CCND2: variants seen among roughly 807,000 people sequenced by gnomAD.
The protein encoded by CCND2 is cyclin D2, also known as G1/S-specific cyclin-D2.
CCND2 carries 6 observed loss-of-function variants against 30.2 expected under a neutral mutation model. The ratio of observed to expected loss-of-function variants is 0.20; its 90% CI spans 0.11 to 0.39. The LOEUF (loss-of-function observed/expected upper bound fraction) is 0.39, where lower values mean the gene tolerates loss of function less well. Ranked by LOEUF, CCND2 falls within the 10% of genes least tolerant of loss-of-function variation. The pLI is 1.00. For synonymous variants in CCND2, 150 were observed against 153.1 expected (o/e 0.98, Z 0.15); for missense variants, 235 against 373.4 (o/e 0.63, Z 3.06).
In CCND2 at chr12:4,285,493, C is replaced by A; in HGVS notation, c.572-3349C>A. The A allele has an allele frequency of 3.5e-6, 3 of 868,300 alleles. No homozygotes were observed. The highest frequency in any genetic ancestry group is 4.1e-6 in the Non-Finnish European group (3 of 722,964). The allele number at this position is 868,300 out of a possible 1,614,324, so 53.8% of individuals were successfully genotyped here. A position where few individuals can be genotyped will look rare whatever the true frequency, so the allele number is the denominator to read the frequency against. On this transcript the variant is annotated intron_variant, in intron 3 of 4. Transcript: ENST00000261254. This position sits in a 1 kb window ranked among gnomAD's most constrained non-coding sequence, Gnocchi z 4.1. ...AAATTTTACAAACTCATCTGTGTTT[C>A]TCCCACCTAACAGAACAGCTTTTAT... is the stretch of plus-strand genomic sequence containing the variant.
chr12:4,288,040 G>C (rs554855475), intron 3 of CCND2, among the ~76,000 whole-genome samples: 1 of 152,166 alleles, frequency 6.6e-6, no homozygotes, highest in South Asian at 2.1e-4. Context: ...CATCGAAACC[G>C]AGTCACCCAT....
In CCND2 at chr12:4,282,035, G is replaced by A. The variant is rs1314500609; in HGVS notation, c.571+3116G>A. Among the ~76,000 whole-genome samples, 6 of 152,152 alleles carry A rather than the reference G, an allele frequency of 3.9e-5. No individual in the cohort carries two copies. The highest frequency in any genetic ancestry group is 5.9e-5 in the Non-Finnish European group (4 of 68,042). On this transcript the variant is annotated intron_variant, in intron 3 of 4. Coordinates refer to ENST00000261254, the MANE Select transcript of CCND2 (RefSeq NM_001759.4). The surrounding 1 kb of genome is among the most constrained non-coding windows in gnomAD (Gnocchi z 4.3). ...TTTCCAAAACTGGGGAAGCAGAACTGAGCCATAGCTTCCCTGGTTGCCGCT... is the reference window on the plus strand; with the variant it reads ...TTTCCAAAACTGGGGAAGCAGAACTAAGCCATAGCTTCCCTGGTTGCCGCT...
Position 4,302,284 on chromosome 12 carries a change from G to A in CCND2, c.*2275G>A, listed in dbSNP as rs533467026. On this transcript the variant is annotated 3_prime_UTR_variant, in exon 5 of 5. Coordinates refer to ENST00000261254, the MANE Select transcript of CCND2 (RefSeq NM_001759.4). ...ATCCTCCCTCCCCTTCAAGGCAGACGTTCAGTACAAACATTTATGCGGTAG... is the reference window on the plus strand; with the variant it reads ...ATCCTCCCTCCCCTTCAAGGCAGACATTCAGTACAAACATTTATGCGGTAG... 2.6e-5 allele frequency: 6 copies of A among 232,840 alleles called. No homozygotes were observed. Among genetic ancestry groups the A allele is most frequent in the East Asian group, 1.8e-4 (3 of 16,518 alleles). 14.4% of individuals were successfully genotyped at this position (232,840 alleles called of 1,614,324 possible). A position where few individuals can be genotyped will look rare whatever the true frequency, so the allele number is the denominator to read the frequency against.
chr12:4,298,826 A>G (rs545182764), intron 4 of CCND2, among the ~76,000 whole-genome samples: 1 of 152,318 alleles, frequency 6.6e-6, no homozygotes, highest in Admixed American at 6.5e-5. Flanking sequence ...GTCCCTGTCT[A>G]GTGATACCCA....
chr12:4,280,152 A>T (rs953053397), intron 3 of CCND2, among the ~76,000 whole-genome samples: 2 of 144,206 alleles, frequency 1.4e-5, no homozygotes, highest in African/African-American at 4.9e-5. Context: ...AGGAAAATTA[A>T]AATCAGAAAG....
At position 4,304,465 on chromosome 12, in the gene CCND2, T is replaced by A. The variant is rs545385264; in HGVS notation, c.*4456T>A. 26 of 233,690 alleles carry A rather than the reference T, an allele frequency of 1.1e-4. No homozygotes were observed. The highest frequency in any genetic ancestry group is 5.3e-4 in the African/African-American group (24 of 45,474). 14.5% of individuals were successfully genotyped at this position (233,690 alleles called of 1,614,324 possible). ...TTTACAAGAGCTGTTCATGCAGCCA[T>A]CCATTTGTGCAAAATAGGGTAAGAA... On this transcript the variant is annotated 3_prime_UTR_variant, in exon 5 of 5. Transcript: ENST00000261254. The surrounding 1 kb of genome is among the most constrained non-coding windows in gnomAD (Gnocchi z 6.2).
At chr12:4,284,576 G>A (rs2120548590) in intron 3 of CCND2, among the ~76,000 whole-genome samples, 1 of 152,264 alleles carries the variant, frequency 6.6e-6, no homozygotes, top group African/African-American at 2.4e-5. Flanking sequence ...TGGGGACTGG[G>A]GCAGGAGTGG....
rs1175915364 is a variant in CCND2, at chr12:4,300,379, G to C, written c.*370G>C. ...CTTTTTTTTTTCATGTTATGAGCTA[G>C]CACATACACCCCCTTGTAGTATAAT... On this transcript the variant is annotated 3_prime_UTR_variant, in exon 5 of 5. Transcript: ENST00000261254. 7.7e-6 allele frequency: 2 copies of C among 259,060 alleles called. No individual in the cohort carries two copies. The allele number at this position is 259,060 out of a possible 1,614,324, so 16.0% of individuals were successfully genotyped here. A position where few individuals can be genotyped will look rare whatever the true frequency, so the allele number is the denominator to read the frequency against.
intron 3 of CCND2, among the ~76,000 whole-genome samples, chr12:4,281,350 G>A (rs763607678): frequency 5.3e-5 from 8 of 152,326 alleles, no homozygotes; most frequent in South Asian, 2.1e-4. Context: ...ACCGAAGGCC[G>A]CTTTTCTTGA....
At chr12:4,279,044 T>A in intron 3 of CCND2, 125 bp downstream of exon 3, 1 of 879,206 alleles carries the variant, frequency 1.1e-6, no homozygotes, top group African/African-American at 1.7e-5. Context: ...TGGTCTTGAG[T>A]AGTCTAAAGT....
chr12:4,283,711 C>A (rs978402431), intron 3 of CCND2, among the ~76,000 whole-genome samples: 1 of 152,370 alleles, frequency 6.6e-6, no homozygotes, highest in East Asian at 1.9e-4. Flanking sequence ...CCTTTGCCTC[C>A]ACCATTTTGC....
At chr12:4,294,566 T>G (rs1383132634) in intron 4 of CCND2, among the ~76,000 whole-genome samples, 1 of 152,134 alleles carries the variant, frequency 6.6e-6, no homozygotes, top group African/African-American at 2.4e-5. Flanking sequence ...TTCTTGGAGA[T>G]TCTCTGGTCT....
intron 3 of CCND2, among the ~76,000 whole-genome samples, chr12:4,283,557 AAG>A (rs1221712142): frequency 6.6e-6 from 1 of 152,194 alleles, no homozygotes; most frequent in African/African-American, 2.4e-5. Flanking sequence ...TCACCTGTAA[AAG>A]GAGATGTTTG....
At chr12:4,278,440 A>G (rs534168662) in intron 2 of CCND2, among the ~76,000 whole-genome samples, 1 of 152,222 alleles carries the variant, frequency 6.6e-6, no homozygotes, top group Admixed American at 6.5e-5. Flanking sequence ...GTGGGCGGGA[A>G]GCAGTATTGC....
chr12:4,276,347 AC>A lies in CCND2; in HGVS notation c.411+130del. ...CAGAATGACCCCACCAATAGAATTT[AC>A]CCACTTATGGGCGATAGCTCATTTA... On this transcript the variant is annotated intron_variant, in intron 2 of 4. Transcript: ENST00000261254. This position sits in a 1 kb window ranked among gnomAD's most constrained non-coding sequence, Gnocchi z 4.8. 1 of 729,392 alleles carries A rather than the reference AC, an allele frequency of 1.4e-6. No individual in the cohort carries two copies. Among genetic ancestry groups the A allele is most frequent in the Non-Finnish European group, 2.2e-6 (1 of 444,916 alleles). The allele number at this position is 729,392 out of a possible 1,614,324, so 45.2% of individuals were successfully genotyped here. A position where few individuals can be genotyped will look rare whatever the true frequency, so the allele number is the denominator to read the frequency against.
rs1864300186 is a variant in CCND2 at position 4,305,175 on chromosome 12, A to G, written c.*5166A>G. 4.3e-6 allele frequency: 1 copy of G among 233,366 alleles called. No homozygotes were observed. Among genetic ancestry groups the G allele is most frequent in the South Asian group, 1.8e-4 (1 of 5,522 alleles). The allele number at this position is 233,366 out of a possible 1,614,324, so 14.5% of individuals were successfully genotyped here. A position where few individuals can be genotyped will look rare whatever the true frequency, so the allele number is the denominator to read the frequency against. ...TTAGGAAGTATGGCAAAAATGTTGT[A>G]TTGGCTATGATGGTGACATGATATA... On this transcript the variant is annotated 3_prime_UTR_variant, in exon 5 of 5. Transcript: ENST00000261254. This position sits in a 1 kb window ranked among gnomAD's most constrained non-coding sequence, Gnocchi z 6.4.
chr12:4,295,547 C>T (rs1024189186), intron 4 of CCND2, among the ~76,000 whole-genome samples: 5 of 152,134 alleles, frequency 3.3e-5, no homozygotes, highest in African/African-American at 9.7e-5. Context: ...GAGGCCAAGG[C>T]GGGTGGATCA....
rs2120557376 is a variant in CCND2 at position 4,287,776 on chromosome 12, G to A, written c.572-1066G>A. ...TGGTCATTGGTAGCTGTCAGCAGCT[G>A]TAACAGGAGAAGTTGGCTGTCTTTA... On this transcript the variant is annotated intron_variant, in intron 3 of 4. Coordinates refer to ENST00000261254, the MANE Select transcript of CCND2 (RefSeq NM_001759.4). This position sits in a 1 kb window ranked among gnomAD's most constrained non-coding sequence, Gnocchi z 4.0. Among the ~76,000 whole-genome samples, 1 of 152,216 alleles carries A rather than the reference G, an allele frequency of 6.6e-6. No individual in the cohort carries two copies. Among genetic ancestry groups the A allele is most frequent in the East Asian group, 1.9e-4 (1 of 5,196 alleles).
rs918807584 is a variant in CCND2, at chr12:4,287,357, T to C, written c.572-1485T>C. Among the ~76,000 whole-genome samples, 2 of 151,944 alleles carry C rather than the reference T, an allele frequency of 1.3e-5. No homozygotes were observed. The highest frequency in any genetic ancestry group is 4.8e-5 in the African/African-American group (2 of 41,340). ...TGTAGAAAGTGTGTTTGTAATAGAGTGTGTACAGGAGGAAGGGGAAATAGG... is the reference window on the plus strand; with the variant it reads ...TGTAGAAAGTGTGTTTGTAATAGAGCGTGTACAGGAGGAAGGGGAAATAGG... On this transcript the variant is annotated intron_variant, in intron 3 of 4. Coordinates refer to ENST00000261254, the MANE Select transcript of CCND2 (RefSeq NM_001759.4). This position sits in a 1 kb window ranked among gnomAD's most constrained non-coding sequence, Gnocchi z 4.0.
Sources: gnomAD v4.1 joint callset for allele counts (sites outside exome capture counted in the v4.1 genomes callset) on GRCh38, gnomAD v4.1.1 for gene constraint, Gnocchi (gnomAD v3.1) non-coding constraint, MANE v1.5 for transcripts, NCBI Gene and HGNC (gene_info 2026-07-23, HGNC 2026-07-21) for gene names.